Variants in RIGI observed in about 807,000 individuals in gnomAD.
RIGI encodes RNA sensor RIG-I, also known as antiviral innate immune response receptor RIG-I.
chr9:32,486,555 T>A, the RIGI span, among the ~76,000 whole-genome samples: 4 of 135,126 alleles, frequency 3.0e-5, no homozygotes, highest in African/African-American at 5.6e-5. Context: ...GTAGAATAAA[T>A]ACAGGAAGAA....
chr9:32,462,815 C>T, the RIGI span, among the ~76,000 whole-genome samples: 2 of 152,150 alleles, frequency 1.3e-5, no homozygotes, highest in African/African-American at 2.4e-5. Flanking sequence ...GCGCAATAGG[C>T]GTGAGCCATC....
the RIGI span, among the ~76,000 whole-genome samples, chr9:32,463,182 C>T: frequency 1.3e-5 from 2 of 152,140 alleles, no homozygotes; most frequent in African/African-American, 2.4e-5. Context: ...CTTCTTGGCC[C>T]CATCCCACCT....
chr9:32,489,524 T>TA, the RIGI span: 3 of 842,032 alleles, frequency 3.6e-6, no homozygotes, highest in Admixed American at 2.5e-5. Context: ...TACAGTCTAA[T>TA]GTCCACAAAT....
the RIGI span, among the ~76,000 whole-genome samples, chr9:32,501,991 G>T: frequency 6.6e-6 from 1 of 152,136 alleles, no homozygotes; most frequent in Non-Finnish European, 1.5e-5. Flanking sequence ...ACTATAAAAA[G>T]AAAACCTATA....
At chr9:32,502,527 G>T in the RIGI span, among the ~76,000 whole-genome samples, 91,976 of 152,024 alleles carry the variant, frequency 0.61, 28,099 homozygotes, top group Middle Eastern at 0.67. Context: ...TCTTACCATC[G>T]TTTTCATTTT....
At chr9:32,489,310 A>G in the RIGI span, 1 of 1,495,188 alleles carries the variant, frequency 6.7e-7, no homozygotes, top group Admixed American at 1.9e-5. Context: ...GGAAGCAAAC[A>G]GAAAAACTAT....
the RIGI span, among the ~76,000 whole-genome samples, chr9:32,509,070 G>A: frequency 2.0e-5 from 3 of 152,110 alleles, no homozygotes; most frequent in Non-Finnish European, 4.4e-5. Context: ...TCTAGGCAGG[G>A]CATCTCTGAA....
chr9:32,490,847 C>A, the RIGI span, among the ~76,000 whole-genome samples: 1 of 152,168 alleles, frequency 6.6e-6, no homozygotes, highest in Non-Finnish European at 1.5e-5. Context: ...TGGATCTCAG[C>A]CCCTACTCAA....
chr9:32,517,343 C>G, the RIGI span, among the ~76,000 whole-genome samples: 160 of 152,252 alleles, frequency 1.1e-3, 2 homozygotes, highest in African/African-American at 3.8e-3. Flanking sequence ...GGCTAGAGTT[C>G]CAAGGTAAAA....
At chr9:32,495,356 C>T in the RIGI span, among the ~76,000 whole-genome samples, 11 of 151,858 alleles carry the variant, frequency 7.2e-5, no homozygotes, top group African/African-American at 2.2e-4. Context: ...CACCCGCCAC[C>T]GCACCCAGCT....
chr9:32,456,091 A>C, the RIGI span: 1 of 152,206 alleles, frequency 6.6e-6, no homozygotes, highest in Admixed American at 6.5e-5. Context: ...TACATATTCT[A>C]ATCTTTCAAG....
chr9:32,455,544 G>A, the RIGI span, among the ~76,000 whole-genome samples: 37,864 of 151,906 alleles, frequency 0.25, 5,321 homozygotes, highest in African/African-American at 0.37. Flanking sequence ...ATCACCTCCC[G>A]TCAGGTCCCT....
chr9:32,469,970 A>G, the RIGI span, among the ~76,000 whole-genome samples: 2,777 of 152,334 alleles, frequency 0.018, 74 homozygotes, highest in African/African-American at 0.062. Flanking sequence ...GAGTTTGTGG[A>G]AAAAGATCCC....
the RIGI span, chr9:32,489,456 A>C: frequency 7.5e-6 from 12 of 1,599,396 alleles, no homozygotes; most frequent in Non-Finnish European, 1.0e-5. Context: ...ACACTTCTGG[A>C]ATACAAAAGG....
At chr9:32,501,049 A>AAGTC in the RIGI span, 1 of 1,311,172 alleles carries the variant, frequency 7.6e-7, no homozygotes, top group African/African-American at 1.5e-5. Context: ...GAATTGTACC[A>AAGTC]AGTCACAGCA....
chr9:32,464,428 T>C, the RIGI span, among the ~76,000 whole-genome samples: 4 of 152,150 alleles, frequency 2.6e-5, no homozygotes, highest in Admixed American at 1.3e-4. Context: ...CTTACTCTGT[T>C]GCCCAGGCTG....
At chr9:32,485,818 C>T in the RIGI span, among the ~76,000 whole-genome samples, 4 of 152,104 alleles carry the variant, frequency 2.6e-5, no homozygotes, top group South Asian at 2.1e-4. Context: ...GGATTACAAG[C>T]GTGATCCACC....
the RIGI span, among the ~76,000 whole-genome samples, chr9:32,489,937 A>G: frequency 2.4e-4 from 36 of 152,376 alleles, no homozygotes; most frequent in African/African-American, 8.7e-4. Flanking sequence ...TTAAAAAATA[A>G]TCAAAGGCTT....
the RIGI span, among the ~76,000 whole-genome samples, chr9:32,515,097 G>T: frequency 6.6e-6 from 1 of 152,096 alleles, no homozygotes; most frequent in Non-Finnish European, 1.5e-5. Context: ...TCCGTTAGAG[G>T]AAACCTGAGT....
Sources: allele counts gnomAD v4.1 joint callset (sites outside exome capture counted in the v4.1 genomes callset), GRCh38; gene constraint gnomAD v4.1.1; transcripts MANE v1.5; gene names NCBI Gene and HGNC (gene_info 2026-07-23, HGNC 2026-07-21).